The following ODC1 variants were observed in gnomAD, a reference collection of about 807,000 sequenced individuals.
ODC1 encodes ornithine decarboxylase 1.
A neutral mutation model predicts 41.5 loss-of-function variants in ODC1; 18 were observed. That is an observed-to-expected ratio of 0.43 (90% CI 0.30 to 0.64). The LOEUF (loss-of-function observed/expected upper bound fraction) is 0.64, where lower values mean the gene tolerates loss of function less well. ODC1 is among the 30% of genes least tolerant of loss of function. The pLI is 0.11. For missense variants in ODC1, 504 were observed against 589.0 expected, an observed-to-expected ratio of 0.86 and a Z score of 1.49; for synonymous variants, 218 against 211.6, an observed-to-expected ratio of 1.03 and a Z score of -0.26.
chr2:10,443,546 C>T lies in ODC1; in HGVS notation c.610G>A (p.Asp204Asn), dbSNP rs765352140. 3.2e-5 allele frequency: 52 copies of T among 1,613,712 alleles called. No homozygotes were observed. In the Middle Eastern group the frequency reaches 4.9e-4, roughly 15 times the overall value. The change falls in exon 7 of 12, where the codon GAT becomes AAT. Residue 204 changes from aspartate (D) to asparagine (N), a missense_variant. This residue lies in a region of ODC1 where 447 missense variants were observed against 524.4 expected (regional missense o/e 0.85). Coordinates refer to ENST00000234111, the MANE Select transcript of ODC1 (RefSeq NM_002539.3). The part of the protein sequence containing the change: ...VSFHVGSGCT[D>N]PETFVQAISD... Reference sequence around the variant, plus strand: ...ATTGCCTGCACGAAGGTCTCAGGATCGGTACAGCCGCTTCCTACATGGAAG... The same window carrying T: ...ATTGCCTGCACGAAGGTCTCAGGATTGGTACAGCCGCTTCCTACATGGAAG...
intron 8 of ODC1, among the ~76,000 whole-genome samples, chr2:10,442,894 G>T (rs917725755): frequency 6.6e-6 from 1 of 151,040 alleles, no homozygotes; most frequent in Non-Finnish European, 1.5e-5. Context: ...AATTTTTTTT[G>T]TAGAGATGGG....
chr2:10,445,071 A>T, intron 2 of ODC1, 22 bp from the exon 3 acceptor site: 1 of 1,290,732 alleles, frequency 7.7e-7, no homozygotes, highest in Non-Finnish European at 1.1e-6. Flanking sequence ...CAAAATGCAA[A>T]TAGAGTGGAG....
Position 10,441,722 on chromosome 2 carries a change from C to A in ODC1, c.1028G>T (p.Arg343Ile). ...ATAATACTTCTCATCTGGTTTAGGT[C>A]TCTATATAAAGAGACGGAGAGAGGA... Reference protein sequence around the residue: ...HAHVKPLLQKRPKPDEKYYSS... With the variant: ...HAHVKPLLQKIPKPDEKYYSS... Residue 343 changes from arginine (R) to isoleucine (I), a missense_variant and splice_region_variant, in exon 11 of 12, where the codon AGA becomes ATA. Arg to Ile is a moderately conservative substitution (Grantham distance 97). Coordinates refer to ENST00000234111, the MANE Select transcript of ODC1 (RefSeq NM_002539.3). 1.9e-6 allele frequency: 3 copies of A among 1,614,114 alleles called. No individual in the cohort carries two copies. The highest frequency in any genetic ancestry group is 2.2e-5 in the South Asian group (2 of 91,068).
rs769360745 is a variant in ODC1, at chr2:10,443,317, G to A, written c.667-4C>T. 3.7e-6 allele frequency: 6 copies of A among 1,608,626 alleles called. No individual in the cohort carries two copies. In the African/African-American group the frequency reaches 5.4e-5, roughly 14 times the overall value. On this transcript the variant is annotated splice_polypyrimidine_tract_variant and splice_region_variant and intron_variant, in intron 7 of 11. Transcript: ENST00000234111. ...ACATGCTGAAACCAACCTCAGCCTA[G>A]AATCAAGAAAATAAGTCAGCCAGAT...
chr2:10,444,090 C>T lies in ODC1; in HGVS notation c.449+5G>A. 6.3e-7 allele frequency: 1 copy of T among 1,580,830 alleles called. No homozygotes were observed. Among genetic ancestry groups the T allele is most frequent in the Non-Finnish European group, 8.6e-7 (1 of 1,164,260 alleles). On this transcript the variant is annotated splice_donor_5th_base_variant and intron_variant, in intron 5 of 11. Transcript: ENST00000234111. ...ATCTTGCCCTCAGATGGGGGAATAA[C>T]TCACTTTGCTTTGGGATGTGCTCTG... is the stretch of plus-strand genomic sequence containing the variant.
chr2:10,441,844 G>T lies in ODC1; in HGVS notation c.999C>A (p.His333Gln). Residue 333 changes from histidine to glutamine, a missense_variant, in exon 10 of 12, where the codon CAC (histidine) becomes CAA (glutamine). This residue lies in a region of ODC1 where 447 missense variants were observed against 524.4 expected (regional missense o/e 0.85). Transcript: ENST00000234111. ...TTTGCAGAAGGGGCTTTACATGTGC[G>T]TGGTCATAGAGTATGCAATTAAATG... is the stretch of plus-strand genomic sequence containing the variant. ...YGSFNCILYD[H>Q]AHVKPLLQKR... 6.2e-7 allele frequency: 1 copy of T among 1,614,074 alleles called. No homozygotes were observed. The highest frequency in any genetic ancestry group is 8.5e-7 in the Non-Finnish European group (1 of 1,179,958).
In ODC1 at chr2:10,443,535, G is replaced by C; in HGVS notation, c.621C>G (p.Thr207=). 1 of 1,613,996 alleles carries C rather than the reference G, an allele frequency of 6.2e-7. No individual in the cohort carries two copies. Residue 207 remains threonine, a synonymous_variant, in exon 7 of 12, where the codon ACC becomes ACG. Transcript: ENST00000234111. ...GGGCATCAGAGATTGCCTGCACGAAGGTCTCAGGATCGGTACAGCCGCTTC... is the reference window on the plus strand; with the variant it reads ...GGGCATCAGAGATTGCCTGCACGAACGTCTCAGGATCGGTACAGCCGCTTC... ...HVGSGCTDPE[T]FVQAISDARC...
At chr2:10,447,743 G>A (rs2430422) in intron 1 of ODC1, 91,141 of 152,160 alleles carry the variant, frequency 0.6, 27,614 homozygotes, top group South Asian at 0.69. Flanking sequence ...AGGCGAGCCC[G>A]GGCTCTGCGC....
At chr2:10,443,899 A>C in intron 5 of ODC1, 63 bp from the exon 6 acceptor site, 1 of 1,593,278 alleles carries the variant, frequency 6.3e-7, no homozygotes, top group Admixed American at 1.7e-5. Flanking sequence ...CCACAATTAA[A>C]ATAAAAACAA....
At position 10,448,314 on chromosome 2, in the gene ODC1, C is replaced by T; in HGVS notation, c.-321G>A. Reference sequence around the variant, plus strand: ...CGGCGGGCGGCGGCGGCGGCGGCTACAGGAGGGACTGACAAAGCCCCACGG... The same window carrying T: ...CGGCGGGCGGCGGCGGCGGCGGCTATAGGAGGGACTGACAAAGCCCCACGG... On this transcript the variant is annotated 5_prime_UTR_variant, in exon 1 of 12. Coordinates refer to ENST00000234111, the MANE Select transcript of ODC1 (RefSeq NM_002539.3). The T allele has an allele frequency of 3.8e-6, 1 of 261,912 alleles. No individual in the cohort carries two copies. Among genetic ancestry groups the T allele is most frequent in the Non-Finnish European group, 7.2e-6 (1 of 138,698 alleles). The allele number at this position is 261,912 out of a possible 1,614,324, so 16.2% of individuals were successfully genotyped here.
At chr2:10,447,097 T>G (rs1300703423) in intron 1 of ODC1, among the ~76,000 whole-genome samples, 3 of 152,242 alleles carry the variant, frequency 2.0e-5, no homozygotes, top group Non-Finnish European at 4.4e-5. Flanking sequence ...TGTTCAGGCC[T>G]AAACTTGGAA....
In ODC1 at chr2:10,443,223, AAATTACCTCT is replaced by A; in HGVS notation, c.747_750+6del. On this transcript the variant is annotated splice_donor_variant and splice_donor_5th_base_variant and coding_sequence_variant and intron_variant, in exon 8 of 12. Coordinates refer to ENST00000234111, the MANE Select transcript of ODC1 (RefSeq NM_002539.3). LOFTEE classifies it high-confidence loss of function. ...CTACTGAGTATTACAGTTTTGTTCT[AAATTACCTCT>A]TCAAATTTAAGTTTCACATCCTCAG... The A allele has an allele frequency of 6.2e-7, 1 of 1,601,908 alleles. No individual in the cohort carries two copies. The highest frequency in any genetic ancestry group is 8.5e-7 in the Non-Finnish European group (1 of 1,173,554).
intron 1 of ODC1, chr2:10,446,946 C>T (rs1263367478): frequency 6.2e-6 from 1 of 160,460 alleles, no homozygotes; most frequent in African/African-American, 2.4e-5. Flanking sequence ...AAGAGAGTAA[C>T]AACGCTAGCA....
chr2:10,445,110 A>G, intron 2 of ODC1, 45 bp downstream of exon 2: 2 of 836,074 alleles, frequency 2.4e-6, no homozygotes, highest in Admixed American at 1.9e-5. Flanking sequence ...TAGCAATACA[A>G]TTCTTAAGAT....
At chr2:10,447,963 G>A (rs998994076) in intron 1 of ODC1, among the ~76,000 whole-genome samples, 158 bp downstream of exon 1, 4 of 152,180 alleles carry the variant, frequency 2.6e-5, no homozygotes, top group African/African-American at 9.6e-5. Context: ...CCCGGGCCGG[G>A]AGGAAGCGGC....
intron 8 of ODC1, among the ~76,000 whole-genome samples, chr2:10,442,552 T>C (rs536344911): frequency 2.0e-5 from 3 of 152,278 alleles, no homozygotes; most frequent in African/African-American, 4.8e-5. Context: ...ACCATGTGGA[T>C]ATATTTTATA....
chr2:10,443,656 A>G, intron 6 of ODC1, 46 bp downstream of exon 6: 1 of 1,607,888 alleles, frequency 6.2e-7, no homozygotes, highest in Non-Finnish European at 8.5e-7. Context: ...TGTAAAACTC[A>G]AACTGTTCAA....
At position 10,440,188 on chromosome 2, in the gene ODC1, G is replaced by A. The variant is rs1185714897; in HGVS notation, c.*536C>T. 6.5e-6 allele frequency: 1 copy of A among 152,996 alleles called. No individual in the cohort carries two copies. The highest frequency in any genetic ancestry group is 1.5e-5 in the Non-Finnish European group (1 of 68,644). 9.5% of individuals were successfully genotyped at this position (152,996 alleles called of 1,614,324 possible). A position where few individuals can be genotyped will look rare whatever the true frequency, so the allele number is the denominator to read the frequency against. ...CACCACCAGAGGCTCTGGACAAGGA[G>A]TTTGCAGCCAACTCTGGACATGTGG... is the stretch of plus-strand genomic sequence containing the variant. On this transcript the variant is annotated 3_prime_UTR_variant, in exon 12 of 12. Coordinates refer to ENST00000234111, the MANE Select transcript of ODC1 (RefSeq NM_002539.3).
Position 10,445,034 on chromosome 2 carries a change from A to T in ODC1, c.-2T>A. The stretch of plus-strand genomic sequence containing the variant: ...CTCTTCATTACCAAAGTTGTTCATG[A>T]TTTCTTGATGTTCCTCTGAAATGCA... On this transcript the variant is annotated 5_prime_UTR_variant, in exon 3 of 12. Transcript: ENST00000234111. 6.2e-7 allele frequency: 1 copy of T among 1,600,236 alleles called. No individual in the cohort carries two copies.
Sources: gnomAD v4.1 joint callset for allele counts (sites outside exome capture counted in the v4.1 genomes callset) on GRCh38, gnomAD v4.1.1 for gene constraint, gnomAD v4.1.1 regional missense constraint, MANE v1.5 for transcripts, NCBI Gene and HGNC (gene_info 2026-07-23, HGNC 2026-07-21) for gene names.